CIBAR1: variants seen among roughly 807,000 people sequenced by gnomAD.
CIBAR1 encodes the protein CBY1-interacting BAR domain-containing protein 1.
A neutral mutation model predicts 44.0 loss-of-function variants in CIBAR1; 25 were observed. That is an observed-to-expected ratio of 0.57 (90% CI 0.41 to 0.79). The LOEUF (loss-of-function observed/expected upper bound fraction) is 0.79. CIBAR1 is among the 30% of genes least tolerant of loss of function. The pLI, the probability that CIBAR1 is intolerant of heterozygous loss-of-function variation, is 0.00. For synonymous variants in CIBAR1, 115 were observed against 119.0 expected (o/e 0.97, Z 0.22); for missense variants, 278 against 344.8 (o/e 0.81, Z 1.53).
Position 93,704,984 on chromosome 8 carries a change from C to T in CIBAR1, c.406C>T (p.Arg136Ter), listed in dbSNP as rs764514673. 6.8e-6 allele frequency: 11 copies of T among 1,612,152 alleles called. No individual in the cohort carries two copies. Among genetic ancestry groups the T allele is most frequent in the Admixed American group, 1.7e-5 (1 of 59,822 alleles). Residue 136 changes from arginine (R) to a stop codon, truncating the protein, a stop_gained, in exon 4 of 9, where the codon CGA becomes TGA. Coordinates refer to ENST00000518322, the MANE Select transcript of CIBAR1 (RefSeq NM_145269.5). LOFTEE classifies it high-confidence loss of function. ...QLTQLERTRQ[R>*]NPSDRHVISQ... is the part of the protein sequence containing the mutation. ...AACTCAGTTAGAAAGAACACGTCAGCGAAACCCATCTGATCGACATGTTAT... is the reference window on the plus strand; with the variant it reads ...AACTCAGTTAGAAAGAACACGTCAGTGAAACCCATCTGATCGACATGTTAT...
chr8:93,722,692 T>A (rs1811313659), intron 7 of CIBAR1, among the ~76,000 whole-genome samples: 2 of 151,814 alleles, frequency 1.3e-5, no homozygotes, highest in South Asian at 4.2e-4. Flanking sequence ...AGGGTGAGAC[T>A]CTATCTCACA....
intron 4 of CIBAR1, among the ~76,000 whole-genome samples, 186 bp from the exon 5 acceptor site, chr8:93,707,825 G>C (rs1810659335): frequency 1.3e-5 from 2 of 152,034 alleles, no homozygotes; most frequent in Admixed American, 1.3e-4. Context: ...ATAATTTTAA[G>C]TACTTAGTAT....
chr8:93,726,566 T>C (rs768764473), intron 8 of CIBAR1, 53 bp downstream of exon 8: 10 of 1,594,038 alleles, frequency 6.3e-6, no homozygotes, highest in Non-Finnish European at 8.6e-6. Flanking sequence ...TTTGGAATTG[T>C]TGAGTTCTAA....
chr8:93,709,720 GAATT>G, intron 5 of CIBAR1, 47 bp from the exon 6 acceptor site: 1 of 1,489,790 alleles, frequency 6.7e-7, no homozygotes, highest in Non-Finnish European at 9.3e-7. Context: ...TCAATTGAAT[GAATT>G]CTCATTTGAT....
intron 7 of CIBAR1, 79 bp downstream of exon 7, chr8:93,718,867 A>T: frequency 1.1e-6 from 1 of 925,080 alleles, no homozygotes; most frequent in Non-Finnish European, 1.6e-6. Flanking sequence ...TGTGATTAAT[A>T]TCTTTTTTTT....
At position 93,730,128 on chromosome 8, in the gene CIBAR1, T is replaced by C. The variant is rs528149067; in HGVS notation, c.*1831T>C. On this transcript the variant is annotated 3_prime_UTR_variant, in exon 9 of 9. Transcript: ENST00000518322. ...TACCAGATTAGGAATACTCAACCTGTAGTACATTTACTAGGATTATCAGAA... is the reference window on the plus strand; with the variant it reads ...TACCAGATTAGGAATACTCAACCTGCAGTACATTTACTAGGATTATCAGAA... 6 of 152,354 alleles carry C rather than the reference T, an allele frequency of 3.9e-5. No individual in the cohort carries two copies. The highest frequency in any genetic ancestry group is 6.5e-5 in the Admixed American group (1 of 15,310). The allele number at this position is 152,354 out of a possible 1,614,324, so 9.4% of individuals were successfully genotyped here. A position where few individuals can be genotyped will look rare whatever the true frequency, so the allele number is the denominator to read the frequency against.
chr8:93,723,521 T>C (rs559226071), intron 7 of CIBAR1, among the ~76,000 whole-genome samples: 1 of 152,152 alleles, frequency 6.6e-6, no homozygotes, highest in South Asian at 2.1e-4. Context: ...CCCCCCCTCA[T>C]AGATGTTAAT....
intron 2 of CIBAR1, among the ~76,000 whole-genome samples, chr8:93,702,918 T>C (rs1329073963): frequency 6.6e-6 from 1 of 152,192 alleles, no homozygotes; most frequent in Non-Finnish European, 1.5e-5. Context: ...TTTCTTATGC[T>C]ATATTTAAAT....
At chr8:93,712,928 G>T (rs189848457) in intron 6 of CIBAR1, among the ~76,000 whole-genome samples, 10 of 151,224 alleles carry the variant, frequency 6.6e-5, no homozygotes, top group Non-Finnish European at 1.3e-4. Flanking sequence ...CATTACAGGC[G>T]TGAGTCACTG....
At chr8:93,703,822 T>C (rs534590816) in intron 3 of CIBAR1, 134 bp downstream of exon 3, 3 of 657,488 alleles carry the variant, frequency 4.6e-6, no homozygotes, top group East Asian at 3.4e-5. Flanking sequence ...CCCAACACTT[T>C]GGGAGGTCGA....
intron 3 of CIBAR1, 131 bp from the exon 4 acceptor site, chr8:93,704,778 G>A (rs972075822): frequency 3.6e-6 from 2 of 562,570 alleles, no homozygotes; most frequent in African/African-American, 1.9e-5. Flanking sequence ...AATTCCTGTG[G>A]TAATGGTACC....
intron 3 of CIBAR1, 45 bp from the exon 4 acceptor site, chr8:93,704,864 T>C: frequency 8.2e-7 from 1 of 1,213,398 alleles, no homozygotes; most frequent in Non-Finnish European, 1.2e-6. Context: ...AACTGAATTT[T>C]CTTAAGTCAG....
Position 93,701,246 on chromosome 8 carries a change from C to G in CIBAR1, c.49C>G (p.Gln17Glu). 6.2e-7 allele frequency: 1 copy of G among 1,613,362 alleles called. No homozygotes were observed. Among genetic ancestry groups the G allele is most frequent in the Non-Finnish European group, 8.5e-7 (1 of 1,179,640 alleles). The change falls in exon 2 of 9, where the codon CAA (glutamine) becomes GAA (glutamate). Residue 17 changes from glutamine (Q) to glutamate (E), a missense_variant. Around this residue, in one of 3 missense-constraint regions of CIBAR1, gnomAD observed 183 missense variants for 218.6 expected, o/e 0.84. Coordinates refer to ENST00000518322, the MANE Select transcript of CIBAR1 (RefSeq NM_145269.5). The part of the protein sequence containing the change: ...ENRNAQTKQL[Q>E]TAVSNVEKHF... ...TAGGAACGCTCAAACGAAACAACTGCAAACAGCTGTCTCAAATGTGGAGAA... is the reference window on the plus strand; with the variant it reads ...TAGGAACGCTCAAACGAAACAACTGGAAACAGCTGTCTCAAATGTGGAGAA...
At chr8:93,701,057 G>C (rs1459882563) in intron 1 of CIBAR1, 167 bp from the exon 2 acceptor site, 1 of 1,465,882 alleles carries the variant, frequency 6.8e-7, no homozygotes, top group Non-Finnish European at 9.0e-7. Flanking sequence ...CGGATAGTGA[G>C]GTCAGGACCC....
At chr8:93,726,195 C>G in intron 7 of CIBAR1, 199 bp from the exon 8 acceptor site, 1 of 480,422 alleles carries the variant, frequency 2.1e-6, no homozygotes, top group South Asian at 2.3e-5. Context: ...CATCATCTTA[C>G]ATAGTTCAAA....
chr8:93,706,795 G>A (rs1481129237), intron 4 of CIBAR1, among the ~76,000 whole-genome samples: 2 of 152,174 alleles, frequency 1.3e-5, no homozygotes, highest in African/African-American at 4.8e-5. Context: ...TTGACAACCT[G>A]AGACCAAAAC....
chr8:93,710,724 C>T (rs1377637765), intron 6 of CIBAR1, among the ~76,000 whole-genome samples: 5 of 151,812 alleles, frequency 3.3e-5, no homozygotes, highest in African/African-American at 1.2e-4. Context: ...ATCCCAGCTA[C>T]CTGGGAGGCT....
At chr8:93,721,748 G>A (rs777417636) in intron 7 of CIBAR1, among the ~76,000 whole-genome samples, 11 of 152,086 alleles carry the variant, frequency 7.2e-5, no homozygotes, top group Non-Finnish European at 1.3e-4. Context: ...TGTCAAAGCA[G>A]TAACTTTAAA....
In CIBAR1 at chr8:93,729,399, T is replaced by C. The variant is rs942039784; in HGVS notation, c.*1102T>C. On this transcript the variant is annotated 3_prime_UTR_variant, in exon 9 of 9. Transcript: ENST00000518322. ...TATTCTTAAGAAACTCAAGATATCA[T>C]TGGATATTTACTGCTTCCTCACTCA... is the stretch of plus-strand genomic sequence containing the variant. 6 of 152,142 alleles carry C rather than the reference T, an allele frequency of 3.9e-5. No individual in the cohort carries two copies. Among genetic ancestry groups the C allele is most frequent in the Non-Finnish European group, 2.9e-5 (2 of 67,988 alleles). 9.4% of individuals were successfully genotyped at this position (152,142 alleles called of 1,614,324 possible). A position where few individuals can be genotyped will look rare whatever the true frequency, so the allele number is the denominator to read the frequency against.
Sources: allele counts gnomAD v4.1 joint callset (sites outside exome capture counted in the v4.1 genomes callset), GRCh38; gene constraint gnomAD v4.1.1; regional missense constraint gnomAD v4.1.1; transcripts MANE v1.5; gene names NCBI Gene and HGNC (gene_info 2026-07-23, HGNC 2026-07-21).